FER1L6: variants seen among roughly 807,000 people sequenced by gnomAD.
The protein encoded by FER1L6 is fer-1 like family member 6, also known as fer-1-like protein 6.
A neutral mutation model predicts 219.2 loss-of-function variants in FER1L6; 177 were observed. The observed-to-expected ratio is 0.81, with a 90% CI of 0.71 to 0.91. The LOEUF (loss-of-function observed/expected upper bound fraction) is 0.91. Ranked by LOEUF, FER1L6 falls within the 40% of genes least tolerant of loss-of-function variation. The pLI is 0.00. For synonymous variants in FER1L6, 768 were observed against 824.3 expected (o/e 0.93, Z 1.17); for missense variants, 2,153 against 2,259.9 (o/e 0.95, Z 0.96).
chr8:123,969,969 T>C, intron 5 of FER1L6, 66 bp from the exon 6 acceptor site: 1 of 1,301,302 alleles, frequency 7.7e-7, no homozygotes, highest in Non-Finnish European at 1.1e-6. Context: ...CTAAATCCAC[T>C]CCAAGGACAG....
intron 1 of FER1L6, among the ~76,000 whole-genome samples, chr8:123,855,776 ATG>A (rs1434309750): frequency 6.8e-6 from 1 of 146,576 alleles, no homozygotes; most frequent in Admixed American, 6.8e-5. Flanking sequence ...GTGTATATAT[ATG>A]TGTGTGTGTG....
chr8:124,077,936 T>C (rs751811135), intron 32 of FER1L6, among the ~76,000 whole-genome samples: 17 of 152,184 alleles, frequency 1.1e-4, no homozygotes, highest in Non-Finnish European at 2.4e-4. Context: ...AGTGCCTCAG[T>C]ATCGGTGTGA....
rs185720515 is a variant in FER1L6, at chr8:123,988,023, G to A, written c.1519+1847G>A. On this transcript the variant is annotated intron_variant, in intron 12 of 40. Coordinates refer to ENST00000522917, the MANE Select transcript of FER1L6 (RefSeq NM_001039112.2). ...TGAGGCAGGAGAATCACTTGAACCC[G>A]GGAGGCGGAGGTTGCAGTGAGCTGA... Among the ~76,000 whole-genome samples, 957 of 152,084 alleles carry A rather than the reference G, an allele frequency of 6.3e-3. 5 individuals carry two copies. The highest frequency in any genetic ancestry group is 8.1e-3 in the Non-Finnish European group (553 of 68,022).
intron 18 of FER1L6, among the ~76,000 whole-genome samples, chr8:124,024,265 T>C (rs1018655144): frequency 6.6e-6 from 1 of 151,906 alleles, no homozygotes; most frequent in African/African-American, 2.4e-5. Context: ...ATAAGTTGAA[T>C]AGTGGTGAAA....
chr8:123,886,557 G>T (rs944674004), intron 1 of FER1L6, among the ~76,000 whole-genome samples: 1 of 152,210 alleles, frequency 6.6e-6, no homozygotes. Context: ...GCTTGCAGAA[G>T]TGTGAGCCTA....
chr8:124,049,143 G>A (rs1819877863), intron 21 of FER1L6, among the ~76,000 whole-genome samples: 1 of 151,952 alleles, frequency 6.6e-6, no homozygotes, highest in Admixed American at 6.6e-5. Context: ...CACATCCCGG[G>A]TTTAAGTGAT....
At chr8:123,910,827 C>T (rs1244531349) in intron 1 of FER1L6, among the ~76,000 whole-genome samples, 1 of 152,016 alleles carries the variant, frequency 6.6e-6, no homozygotes, top group African/African-American at 2.4e-5. Context: ...TTAAAAGAAA[C>T]ATATCTTAAG....
chr8:123,909,163 A>C (rs1056930697), intron 1 of FER1L6, among the ~76,000 whole-genome samples: 1 of 152,228 alleles, frequency 6.6e-6, no homozygotes, highest in Non-Finnish European at 1.5e-5. Context: ...ATCCATCTAC[A>C]GGCTAATTCT....
intron 39 of FER1L6, among the ~76,000 whole-genome samples, chr8:124,105,206 A>G (rs1281071806): frequency 6.6e-6 from 1 of 152,176 alleles, no homozygotes; most frequent in East Asian, 1.9e-4. Flanking sequence ...CCCACAGAGC[A>G]AATTCCACAG....
intron 22 of FER1L6, among the ~76,000 whole-genome samples, chr8:124,059,758 T>A (rs1428347357): frequency 6.6e-6 from 1 of 152,236 alleles, no homozygotes; most frequent in Non-Finnish European, 1.5e-5. Flanking sequence ...TAGTGCATAA[T>A]GGCTTTTCTG....
At chr8:124,005,887 A>T (rs1817633595) in intron 13 of FER1L6, among the ~76,000 whole-genome samples, 1 of 152,220 alleles carries the variant, frequency 6.6e-6, no homozygotes, top group Non-Finnish European at 1.5e-5. Context: ...AATGGAGTCC[A>T]TTGAAATAGT....
chr8:124,102,783 T>C (rs1586343378), intron 38 of FER1L6, among the ~76,000 whole-genome samples: 1 of 150,948 alleles, frequency 6.6e-6, no homozygotes, highest in East Asian at 1.9e-4. Flanking sequence ...TCTCATGGGG[T>C]TGTCAGTGCT....
chr8:124,010,668 T>A lies in FER1L6; in HGVS notation c.1775T>A (p.Phe592Tyr), dbSNP rs1462423640. The A allele has an allele frequency of 1.2e-6, 2 of 1,613,942 alleles. No homozygotes were observed. The highest frequency in any genetic ancestry group is 1.3e-5 in the African/African-American group (1 of 74,916). The change falls in exon 14 of 41, where the codon TTC becomes TAC. Residue 592 changes from phenylalanine (F) to tyrosine (Y), a missense_variant. Phe to Tyr is a conservative substitution (Grantham distance 22). Transcript: ENST00000522917. The stretch of plus-strand genomic sequence containing the variant: ...ATCAGCTCTTGGGGAGACCAGACCT[T>A]CAGGCTGCACTGGTCCAACATGCTG... ...YFISSWGDQT[F>Y]RLHWSNMLEK...
rs371001629 is a variant in FER1L6 at position 123,970,155 on chromosome 8, G to A, written c.447+58G>A. 7.8e-6 allele frequency: 11 copies of A among 1,412,180 alleles called. No individual in the cohort carries two copies. The South Asian group carries it at 9.2e-5, about 12-fold the overall frequency. 87.5% of individuals were successfully genotyped at this position (1,412,180 alleles called of 1,614,324 possible). On this transcript the variant is annotated intron_variant, in intron 6 of 40. Transcript: ENST00000522917. ...GAGGTGGGAGACATTTTGGGCATTG[G>A]GGACTCTCTGGGACAACTCAGCATA... is the stretch of plus-strand genomic sequence containing the variant.
chr8:124,000,815 T>A (rs1015086901), intron 12 of FER1L6, among the ~76,000 whole-genome samples: 1 of 152,104 alleles, frequency 6.6e-6, no homozygotes, highest in Non-Finnish European at 1.5e-5. Flanking sequence ...ATGAAATACA[T>A]CCCTTTTAAG....
intron 5 of FER1L6, 118 bp from the exon 6 acceptor site, chr8:123,969,917 T>G: frequency 1.7e-5 from 12 of 712,464 alleles, no homozygotes; most frequent in East Asian, 2.6e-5. Flanking sequence ...CAATTGATGA[T>G]GTATATATAT....
intron 1 of FER1L6, among the ~76,000 whole-genome samples, chr8:123,907,641 G>GAAGAATATGGTTAAAGAATATGGTTA (rs1812977209): frequency 6.7e-6 from 1 of 149,770 alleles, no homozygotes; most frequent in Non-Finnish European, 1.5e-5. Flanking sequence ...CCCAGTATGA[G>GAAGAATATGGTTAAAGAATATGGTTA]AAGAATATGG....
At chr8:123,879,937 C>T (rs769884513) in intron 1 of FER1L6, among the ~76,000 whole-genome samples, 7 of 152,158 alleles carry the variant, frequency 4.6e-5, no homozygotes, top group Non-Finnish European at 7.3e-5. Flanking sequence ...GGGCAGGCAG[C>T]ACTTCTGATG....
At chr8:123,923,366 C>A (rs1015630385) in intron 1 of FER1L6, among the ~76,000 whole-genome samples, 2 of 152,154 alleles carry the variant, frequency 1.3e-5, no homozygotes, top group African/African-American at 4.8e-5. Flanking sequence ...GATGCCCTTG[C>A]TTTTTCCACG....
Sources: allele counts gnomAD v4.1 joint callset (sites outside exome capture counted in the v4.1 genomes callset), GRCh38; gene constraint gnomAD v4.1.1; transcripts MANE v1.5; gene names NCBI Gene and HGNC (gene_info 2026-07-23, HGNC 2026-07-21).